LRRTM4: variants seen among roughly 807,000 people sequenced by gnomAD.
LRRTM4 encodes the protein leucine rich repeat transmembrane neuronal 4.
A neutral mutation model predicts 47.6 loss-of-function variants in LRRTM4; 25 were observed. The observed-to-expected ratio is 0.53, with a 90% CI of 0.38 to 0.73. LRRTM4 has a LOEUF of 0.73. Among genes scored for constraint, LRRTM4 ranks in the 30% least tolerant of loss-of-function variants. LRRTM4 has a pLI of 0.00. For missense variants in LRRTM4, 638 were observed against 713.4 expected (o/e 0.89, Z 1.20); for synonymous variants, 311 against 269.5 (o/e 1.15, Z -1.51).
chr2:77,365,132 C>T (rs1672392286), intron 3 of LRRTM4, among the ~76,000 whole-genome samples: 1 of 151,998 alleles, frequency 6.6e-6, no homozygotes, highest in Non-Finnish European at 1.5e-5. Flanking sequence ...TCTCTTTTCA[C>T]AGGTAAAATC....
chr2:76,941,818 G>A (rs1558752249), intron 3 of LRRTM4, among the ~76,000 whole-genome samples: 1 of 152,122 alleles, frequency 6.6e-6, no homozygotes, highest in East Asian at 1.9e-4. Context: ...AATCCTTTGG[G>A]CATATACCCA....
intron 3 of LRRTM4, among the ~76,000 whole-genome samples, chr2:76,788,925 A>C (rs115094531): frequency 0.012 from 1,776 of 152,224 alleles, 36 homozygotes; most frequent in African/African-American, 0.039. Context: ...TTCCCTAACC[A>C]CTGGTGGAAA....
chr2:77,454,086 T>G (rs934020869), intron 3 of LRRTM4, among the ~76,000 whole-genome samples: 58 of 152,308 alleles, frequency 3.8e-4, no homozygotes, highest in African/African-American at 1.3e-3. Context: ...CCTTTTATAG[T>G]TTAGAATTAT....
chr2:76,800,205 C>T (rs1203415703), intron 3 of LRRTM4, among the ~76,000 whole-genome samples: 2 of 147,094 alleles, frequency 1.4e-5, no homozygotes, highest in Non-Finnish European at 3.0e-5. Context: ...TCAAACTATA[C>T]TACAAGGCGA....
intron 3 of LRRTM4, among the ~76,000 whole-genome samples, chr2:76,953,536 A>G (rs1675567008): frequency 6.6e-6 from 1 of 151,796 alleles, no homozygotes; most frequent in Non-Finnish European, 1.5e-5. Flanking sequence ...TACATCATAT[A>G]TTTCATCATT....
At chr2:77,192,560 AAC>A (rs1673699794) in intron 3 of LRRTM4, among the ~76,000 whole-genome samples, 2 of 152,278 alleles carry the variant, frequency 1.3e-5, no homozygotes, top group Admixed American at 1.3e-4. Flanking sequence ...AAATAATTTT[AAC>A]CTTTTTTAAA....
chr2:77,387,984 A>T (rs182782556), intron 3 of LRRTM4, among the ~76,000 whole-genome samples: 1 of 152,090 alleles, frequency 6.6e-6, no homozygotes, highest in African/African-American at 2.4e-5. Context: ...GGATAACATC[A>T]GGCTCTTGTT....
chr2:77,449,998 CCAA>C (rs1676195418), intron 3 of LRRTM4, among the ~76,000 whole-genome samples: 1 of 152,088 alleles, frequency 6.6e-6, no homozygotes, highest in African/African-American at 2.4e-5. Flanking sequence ...GCATATAACT[CCAA>C]CAAGTCAGAA....
chr2:76,778,363 G>C, intron 3 of LRRTM4, among the ~76,000 whole-genome samples: 1 of 142,036 alleles, frequency 7.0e-6, no homozygotes, highest in East Asian at 2.0e-4. Flanking sequence ...ACCTCTGGTA[G>C]AATTCGGCTG....
chr2:77,061,491 C>T (rs564315626), intron 3 of LRRTM4, among the ~76,000 whole-genome samples: 5 of 152,188 alleles, frequency 3.3e-5, no homozygotes, highest in South Asian at 4.1e-4. Flanking sequence ...GTGAGATCAG[C>T]GCTGCTTTAG....
intron 3 of LRRTM4, among the ~76,000 whole-genome samples, chr2:76,983,653 A>T (rs1215730295): frequency 6.6e-6 from 1 of 152,068 alleles, no homozygotes; most frequent in Non-Finnish European, 1.5e-5. Context: ...ATAGACTTAT[A>T]CAGTAATTAT....
At chr2:77,298,512 C>T (rs890938115) in intron 3 of LRRTM4, among the ~76,000 whole-genome samples, 1 of 152,188 alleles carries the variant, frequency 6.6e-6, no homozygotes, top group Admixed American at 6.5e-5. Context: ...GCTGGGATTA[C>T]AGGCGTTAAA....
At chr2:77,495,207 A>G (rs555593253) in intron 3 of LRRTM4, among the ~76,000 whole-genome samples, 1 of 150,186 alleles carries the variant, frequency 6.7e-6, no homozygotes, top group African/African-American at 2.4e-5. Flanking sequence ...TTTAACTTTA[A>G]TCAACTGCCA....
chr2:77,473,252 T>C (rs10209791), intron 3 of LRRTM4, among the ~76,000 whole-genome samples: 53,158 of 152,020 alleles, frequency 0.35, 9,591 homozygotes, highest in African/African-American at 0.39. Flanking sequence ...ATTGTTGAAA[T>C]GATGAATAAT....
intron 3 of LRRTM4, among the ~76,000 whole-genome samples, chr2:76,889,012 A>C (rs748671529): frequency 2.0e-5 from 3 of 152,026 alleles, no homozygotes; most frequent in African/African-American, 4.8e-5. Context: ...TAAACATCTC[A>C]TGGCAATATT....
intron 3 of LRRTM4, among the ~76,000 whole-genome samples, chr2:77,403,026 T>C (rs951039551): frequency 1.3e-5 from 2 of 151,990 alleles, no homozygotes. Flanking sequence ...TTCCTGTATT[T>C]TCATGTTTTA....
chr2:76,916,384 C>CAAAAAAAAA lies in LRRTM4; in HGVS notation c.1552-167477_1552-167469dup, dbSNP rs57874749. Among the ~76,000 whole-genome samples, 147 of 53,466 alleles carry CAAAAAAAAA rather than the reference C, an allele frequency of 2.7e-3. 10 individuals are homozygous for CAAAAAAAAA. The highest frequency in any genetic ancestry group is 6.2e-3 in the African/African-American group (78 of 12,534). The allele number at this position is 53,466 out of a possible 152,430, so 35.1% of individuals were successfully genotyped here. A position where few individuals can be genotyped will look rare whatever the true frequency, so the allele number is the denominator to read the frequency against. ...TGGGCGACAGAGCGAGACTGTGTCTCAAAAAAAAAAAAAAAAAAAAAAAGA... is the reference window on the plus strand; with the variant it reads ...TGGGCGACAGAGCGAGACTGTGTCTCAAAAAAAAAAAAAAAAAAAAAAAAAAAAAAAAGA... On this transcript the variant is annotated intron_variant, in intron 3 of 3. Transcript: ENST00000409884.
At chr2:77,088,370 G>A (rs956867709) in intron 3 of LRRTM4, among the ~76,000 whole-genome samples, 3 of 152,102 alleles carry the variant, frequency 2.0e-5, no homozygotes, top group Non-Finnish European at 4.4e-5. Flanking sequence ...CACAAAAGAA[G>A]TGTAAATGAC....
intron 3 of LRRTM4, among the ~76,000 whole-genome samples, chr2:77,091,755 G>A (rs1256080513): frequency 6.7e-6 from 1 of 149,924 alleles, no homozygotes; most frequent in African/African-American, 2.4e-5. Context: ...TTCACAGACA[G>A]CCCCCATTAC....
Sources: allele counts gnomAD v4.1 joint callset (sites outside exome capture counted in the v4.1 genomes callset), GRCh38; gene constraint gnomAD v4.1.1; transcripts MANE v1.5; gene names NCBI Gene and HGNC (gene_info 2026-07-23, HGNC 2026-07-21).